The following TTYH2 variants were observed in gnomAD, a reference collection of about 807,000 sequenced individuals.
The protein encoded by TTYH2 is tweety family member 2.
TTYH2 carries 49 observed loss-of-function variants against 68.3 expected under a neutral mutation model. The observed-to-expected ratio is 0.72, with a 90% CI of 0.57 to 0.91. The LOEUF (loss-of-function observed/expected upper bound fraction) is 0.91, where lower values mean the gene tolerates loss of function less well. Among genes scored for constraint, TTYH2 ranks in the 40% least tolerant of loss-of-function variants. TTYH2 has a pLI of 0.00. For synonymous variants in TTYH2, 272 were observed against 300.8 expected (o/e 0.90, Z 0.99); for missense variants, 631 against 700.4 (o/e 0.90, Z 1.12).
chr17:74,243,198 G>T (rs1300129259), intron 4 of TTYH2, among the ~76,000 whole-genome samples, 176 bp from the exon 5 acceptor site: 2 of 152,150 alleles, frequency 1.3e-5, no homozygotes, highest in South Asian at 2.1e-4. Flanking sequence ...AGGCAGCAGT[G>T]GGGGTGCAGC....
chr17:74,230,172 G>A (rs1327221640), intron 2 of TTYH2, among the ~76,000 whole-genome samples: 1 of 151,912 alleles, frequency 6.6e-6, no homozygotes, highest in Non-Finnish European at 1.5e-5. Context: ...AGGGGAGGGG[G>A]TACTTAATGG....
intron 2 of TTYH2, among the ~76,000 whole-genome samples, chr17:74,225,480 G>A (rs2050320759): frequency 6.6e-6 from 1 of 152,206 alleles, no homozygotes; most frequent in Admixed American, 6.5e-5. Context: ...GATAACTCAA[G>A]TTGAATGTAA....
In TTYH2 at chr17:74,227,539, A is replaced by G. The variant is rs1468364099; in HGVS notation, c.303-3349A>G. On this transcript the variant is annotated intron_variant, in intron 2 of 13. Coordinates refer to ENST00000269346, the MANE Select transcript of TTYH2 (RefSeq NM_032646.6). ...CACGGGAAGACAATTCATTTAATGTATAAATATCTCAGCTGAGCACTTGGT... is the reference window on the plus strand; with the variant it reads ...CACGGGAAGACAATTCATTTAATGTGTAAATATCTCAGCTGAGCACTTGGT... 2.6e-5 allele frequency among the ~76,000 whole-genome samples: 4 copies of G among 152,214 alleles called. No individual in the cohort carries two copies. The East Asian group carries it at 5.8e-4, about 22-fold the overall frequency.
rs1432837509 is a variant in TTYH2, at chr17:74,219,383, G to A, written c.130-3102G>A. 1.0e-4 allele frequency among the ~76,000 whole-genome samples: 11 copies of A among 110,028 alleles called. No homozygotes were observed. The African/African-American group carries it at 1.1e-3, about 11-fold the overall frequency. 72.2% of individuals were successfully genotyped at this position (110,028 alleles called of 152,430 possible). On this transcript the variant is annotated intron_variant, in intron 1 of 13. Transcript: ENST00000269346. ...CAGCCTGGCGACAGAGCAAGACTCC[G>A]TGTCAAAAAAAAAAAAAAAAGAATA...
chr17:74,237,480 C>T lies in TTYH2; in HGVS notation c.601C>T (p.Leu201=). The part of the protein sequence containing the change: ...WREVTMELTK[L]SDQTGYVEYY... ...GGAGGTCACCATGGAGCTGACCAAG[C>T]TATCCGACCAGACTGGCTACGTGGA... The change falls in exon 4 of 14, where the codon CTA becomes TTA. Residue 201 remains leucine (L), a synonymous_variant. Coordinates refer to ENST00000269346, the MANE Select transcript of TTYH2 (RefSeq NM_032646.6). 2 of 1,613,606 alleles carry T rather than the reference C, an allele frequency of 1.2e-6. No individual in the cohort carries two copies. Among genetic ancestry groups the T allele is most frequent in the South Asian group, 2.2e-5 (2 of 91,036 alleles).
At chr17:74,240,974 G>C (rs879886905) in intron 4 of TTYH2, 1 of 152,270 alleles carries the variant, frequency 6.6e-6, no homozygotes, top group Non-Finnish European at 1.5e-5. Context: ...GAGCGGAGGC[G>C]AGTGGTGAGA....
At chr17:74,237,175 C>A in intron 3 of TTYH2, 119 bp from the exon 4 acceptor site, 1 of 976,548 alleles carries the variant, frequency 1.0e-6, no homozygotes, top group Non-Finnish European at 1.6e-6. Context: ...GCTGGGATGA[C>A]AGGCATGAGC....
intron 10 of TTYH2, 185 bp downstream of exon 10, chr17:74,250,542 GA>G (rs769768447): frequency 3.9e-5 from 23 of 596,538 alleles, no homozygotes; most frequent in East Asian, 3.4e-4. Context: ...CTGAGACAGG[GA>G]GACTCAGTAC....
intron 1 of TTYH2, among the ~76,000 whole-genome samples, chr17:74,219,387 C>CAAAAAA (rs1031171600): frequency 1.7e-4 from 15 of 88,484 alleles, no homozygotes; most frequent in African/African-American, 8.3e-4. Context: ...GACTCCGTGT[C>CAAAAAA]AAAAAAAAAA....
At chr17:74,226,670 G>A (rs1353060260) in intron 2 of TTYH2, among the ~76,000 whole-genome samples, 2 of 152,080 alleles carry the variant, frequency 1.3e-5, no homozygotes, top group Non-Finnish European at 2.9e-5. Context: ...TGAAAGCGGG[G>A]GATTGAATCC....
In TTYH2 at chr17:74,215,978, G is replaced by C. The variant is rs1415862795; in HGVS notation, c.129+2262G>C. Among the ~76,000 whole-genome samples, 1 of 152,262 alleles carries C rather than the reference G, an allele frequency of 6.6e-6. No individual in the cohort carries two copies. Among genetic ancestry groups the C allele is most frequent in the Non-Finnish European group, 1.5e-5 (1 of 68,054 alleles). ...GTTTGAGGTGGGGCTCTGCCCTCCA[G>C]TTGGCTGGGGTGGATTCCCAGTTCT... On this transcript the variant is annotated intron_variant, in intron 1 of 13. Transcript: ENST00000269346. The surrounding 1 kb of genome is among the most constrained non-coding windows in gnomAD (Gnocchi z 4.3).
chr17:74,258,905 G>A (rs1239300975), intron 13 of TTYH2, among the ~76,000 whole-genome samples: 1 of 152,074 alleles, frequency 6.6e-6, no homozygotes, highest in Non-Finnish European at 1.5e-5. Context: ...CCAAGTGGAA[G>A]CATTCCATTC....
intron 4 of TTYH2, chr17:74,240,927 T>C (rs1188253211): frequency 6.6e-6 from 1 of 152,174 alleles, no homozygotes; most frequent in Non-Finnish European, 1.5e-5. Context: ...GAGAGTGGGT[T>C]AGAAGCACCC....
At chr17:74,230,343 C>T (rs2050375498) in intron 2 of TTYH2, among the ~76,000 whole-genome samples, 1 of 152,048 alleles carries the variant, frequency 6.6e-6, no homozygotes, top group African/African-American at 2.4e-5. Context: ...GACCTATCCG[C>T]CTCAGCCTCC....
In TTYH2 at chr17:74,227,983, C is replaced by CTTTTTTTTTTTTTTTTTTTT. The variant is rs35080135; in HGVS notation, c.303-2887_303-2886insTTTTTTTTTTTTTTTTTTTT. ...GAAGGAGGTTTCTTTTCTTTTCTTT[C>CTTTTTTTTTTTTTTTTTTTT]TTTTTTTTTTTTTTTTTTGAGATAG... On this transcript the variant is annotated intron_variant, in intron 2 of 13. Coordinates refer to ENST00000269346, the MANE Select transcript of TTYH2 (RefSeq NM_032646.6). Among the ~76,000 whole-genome samples, 41 of 112,504 alleles carry CTTTTTTTTTTTTTTTTTTTT rather than the reference C, an allele frequency of 3.6e-4. 3 individuals are homozygous for CTTTTTTTTTTTTTTTTTTTT. The highest frequency in any genetic ancestry group is 1.6e-3 in the African/African-American group (35 of 21,540). 73.8% of individuals were successfully genotyped at this position (112,504 alleles called of 152,430 possible).
intron 2 of TTYH2, among the ~76,000 whole-genome samples, chr17:74,226,486 T>C (rs1249072620): frequency 6.6e-6 from 1 of 151,422 alleles, no homozygotes; most frequent in Non-Finnish European, 1.5e-5. Flanking sequence ...AAGTGGGAGG[T>C]CATTGGTCGC....
chr17:74,240,143 C>T (rs894522222), intron 4 of TTYH2, among the ~76,000 whole-genome samples: 1 of 152,182 alleles, frequency 6.6e-6, no homozygotes, highest in African/African-American at 2.4e-5. Context: ...CTCCCCACTG[C>T]TTATTCGGGT....
intron 1 of TTYH2, among the ~76,000 whole-genome samples, chr17:74,218,593 A>T (rs2050244268): frequency 6.6e-6 from 1 of 151,522 alleles, no homozygotes; most frequent in African/African-American, 2.4e-5. Flanking sequence ...CTGGAGCTGG[A>T]CAGCATTATC....
rs2050751638 is a variant in TTYH2 at position 74,261,619 on chromosome 17, CT to C, written c.*1411del. ...GTTCACAACACCAGAGCCCCACGGCCTCGCACACTGAAGCAGGGGCGTGCGG... is the reference window on the plus strand; with the variant it reads ...GTTCACAACACCAGAGCCCCACGGCCCGCACACTGAAGCAGGGGCGTGCGG... On this transcript the variant is annotated 3_prime_UTR_variant, in exon 14 of 14. Coordinates refer to ENST00000269346, the MANE Select transcript of TTYH2 (RefSeq NM_032646.6). 2 of 152,574 alleles carry C rather than the reference CT, an allele frequency of 1.3e-5. No homozygotes were observed. Among genetic ancestry groups the C allele is most frequent in the Non-Finnish European group, 2.9e-5 (2 of 68,026 alleles). The allele number at this position is 152,574 out of a possible 1,614,324, so 9.5% of individuals were successfully genotyped here.
Sources: gnomAD v4.1 joint callset for allele counts (sites outside exome capture counted in the v4.1 genomes callset) on GRCh38, gnomAD v4.1.1 for gene constraint, Gnocchi (gnomAD v3.1) non-coding constraint, MANE v1.5 for transcripts, NCBI Gene and HGNC (gene_info 2026-07-23, HGNC 2026-07-21) for gene names.